The following NKAIN2 variants were observed in gnomAD, a reference collection of about 807,000 sequenced individuals.
NKAIN2 encodes sodium/potassium-transporting ATPase subunit beta-1-interacting protein 2.
A neutral mutation model predicts 32.6 loss-of-function variants in NKAIN2; 14 were observed. The observed-to-expected ratio is 0.43, with a 90% CI of 0.28 to 0.67. The LOEUF is 0.67. NKAIN2 is among the 30% of genes least tolerant of loss of function. The pLI is 0.17. For synonymous variants in NKAIN2, 80 were observed against 87.2 expected (o/e 0.92, Z 0.46); for missense variants, 198 against 258.3 (o/e 0.77, Z 1.60).
Position 124,523,679 on chromosome 6 carries a change from A to G in NKAIN2, c.274-134507A>G, listed in dbSNP as rs140172785. Among the ~76,000 whole-genome samples, 562 of 152,230 alleles carry G rather than the reference A, an allele frequency of 3.7e-3. 16 individuals carry two copies. The highest frequency in any genetic ancestry group is 0.029 in the Admixed American group (442 of 15,284). On this transcript the variant is annotated intron_variant, in intron 3 of 6. Transcript: ENST00000368417. ...AAAGGGATATATGTAGAGAGGGGAA[A>G]CTATGCTCTGTCCTCTCTTCATGAA...
chr6:124,811,145 A>G (rs1434296849), intron 5 of NKAIN2, among the ~76,000 whole-genome samples: 5 of 152,178 alleles, frequency 3.3e-5, no homozygotes, highest in Non-Finnish European at 5.9e-5. Flanking sequence ...AAGACGCTCT[A>G]TTTTCATAGG....
chr6:124,443,600 A>T (rs1300261054), intron 3 of NKAIN2, among the ~76,000 whole-genome samples: 2 of 152,092 alleles, frequency 1.3e-5, no homozygotes, highest in Non-Finnish European at 2.9e-5. Context: ...AGGGGGTAGC[A>T]TAGGACCATT....
chr6:124,240,645 C>T (rs752418036), intron 1 of NKAIN2, among the ~76,000 whole-genome samples: 3 of 152,044 alleles, frequency 2.0e-5, no homozygotes, highest in Non-Finnish European at 4.4e-5. Context: ...TGACAAAAAG[C>T]ACATGATTAT....
At chr6:124,410,221 CT>C (rs1275427696) in intron 3 of NKAIN2, among the ~76,000 whole-genome samples, 2 of 152,022 alleles carry the variant, frequency 1.3e-5, no homozygotes, top group African/African-American at 4.8e-5. Context: ...TTAGTTATTT[CT>C]TGCCTTCTGC....
intron 4 of NKAIN2, among the ~76,000 whole-genome samples, chr6:124,704,383 G>A (rs528289902): frequency 6.6e-6 from 1 of 151,990 alleles, no homozygotes; most frequent in South Asian, 2.1e-4. Context: ...AATAAACAAT[G>A]TAAGTTGAAA....
chr6:124,094,158 C>T (rs1206527946), intron 1 of NKAIN2, among the ~76,000 whole-genome samples: 1 of 152,148 alleles, frequency 6.6e-6, no homozygotes, highest in Non-Finnish European at 1.5e-5. Context: ...ATCTTCTCCT[C>T]TTGTGAATAT....
chr6:124,581,312 G>T, intron 3 of NKAIN2, among the ~76,000 whole-genome samples: 1 of 151,568 alleles, frequency 6.6e-6, no homozygotes, highest in Non-Finnish European at 1.5e-5. Flanking sequence ...GGTGGCGGGC[G>T]CCTGTAGTCC....
At chr6:124,418,687 C>T (rs1166222272) in intron 3 of NKAIN2, among the ~76,000 whole-genome samples, 2 of 151,108 alleles carry the variant, frequency 1.3e-5, no homozygotes, top group Admixed American at 1.3e-4. Flanking sequence ...CATTTGGAAG[C>T]TGAAATGATT....
chr6:124,700,752 T>C (rs920899792), intron 4 of NKAIN2, among the ~76,000 whole-genome samples: 2 of 151,740 alleles, frequency 1.3e-5, no homozygotes, highest in African/African-American at 4.8e-5. Context: ...CCTAAAAAAA[T>C]TGAGTGCCCT....
At chr6:124,729,130 T>C (rs1423791171) in intron 4 of NKAIN2, among the ~76,000 whole-genome samples, 2 of 152,286 alleles carry the variant, frequency 1.3e-5, no homozygotes, top group South Asian at 2.1e-4. Context: ...ACCAGAAGTA[T>C]GAGGAGGAAC....
At chr6:124,671,891 C>A (rs1037698869) in intron 4 of NKAIN2, among the ~76,000 whole-genome samples, 2 of 151,674 alleles carry the variant, frequency 1.3e-5, no homozygotes, top group African/African-American at 4.8e-5. Context: ...TGGAGGCAAT[C>A]CAGTTAGTTA....
chr6:124,265,348 A>G (rs1321512422), intron 1 of NKAIN2, among the ~76,000 whole-genome samples: 3 of 152,198 alleles, frequency 2.0e-5, no homozygotes, highest in African/African-American at 7.2e-5. Flanking sequence ...ATTAGAATAT[A>G]GAAATATTAT....
intron 3 of NKAIN2, among the ~76,000 whole-genome samples, chr6:124,652,552 T>C (rs940689913): frequency 6.6e-5 from 10 of 152,210 alleles, no homozygotes; most frequent in African/African-American, 2.4e-4. Context: ...TAGTTTGTTT[T>C]GGGCTACTAT....
chr6:124,575,297 T>C (rs1781289048), intron 3 of NKAIN2, among the ~76,000 whole-genome samples: 1 of 152,194 alleles, frequency 6.6e-6, no homozygotes, highest in Non-Finnish European at 1.5e-5. Flanking sequence ...ATGTACAATG[T>C]ATGTTATTTC....
intron 1 of NKAIN2, among the ~76,000 whole-genome samples, chr6:124,140,421 A>G (rs1380874551): frequency 6.6e-6 from 1 of 152,214 alleles, no homozygotes; most frequent in Non-Finnish European, 1.5e-5. Flanking sequence ...AGAGGTAAAA[A>G]CATTAGAAAG....
In NKAIN2 at chr6:124,624,471, TC is replaced by T. The variant is rs1783227358; in HGVS notation, c.274-33714del. On this transcript the variant is annotated intron_variant, in intron 3 of 6. Coordinates refer to ENST00000368417, the MANE Select transcript of NKAIN2 (RefSeq NM_001040214.3). ...CCAATTAAAGTGATGGAGCATGAGT[TC>T]AGTTGTAATGTTTAAATACCAGTTT... is the stretch of plus-strand genomic sequence containing the variant. Among the ~76,000 whole-genome samples, 5 of 152,268 alleles carry T rather than the reference TC, an allele frequency of 3.3e-5. No individual in the cohort carries two copies. In the South Asian group the frequency reaches 1.0e-3, roughly 32 times the overall value.
Position 123,925,312 on chromosome 6 carries a change from G to A in NKAIN2, c.54+121058G>A, listed in dbSNP as rs1582789970. ...TTTCTATTCAAGGAAAGGACCTCAG[G>A]ATTAAGCTCCAAATAAAAAGGCACT... is the stretch of plus-strand genomic sequence containing the variant. On this transcript the variant is annotated intron_variant, in intron 1 of 6. Coordinates refer to ENST00000368417, the MANE Select transcript of NKAIN2 (RefSeq NM_001040214.3). Among the ~76,000 whole-genome samples the A allele has an allele frequency of 7.2e-5, 11 of 152,252 alleles. No individual in the cohort carries two copies. The South Asian group carries it at 2.1e-3, about 29-fold the overall frequency.
At chr6:124,774,715 G>T (rs1240212377) in intron 4 of NKAIN2, among the ~76,000 whole-genome samples, 1 of 152,030 alleles carries the variant, frequency 6.6e-6, no homozygotes, top group Non-Finnish European at 1.5e-5. Context: ...AGTTATCTGG[G>T]CATGGTGGTG....
intron 1 of NKAIN2, among the ~76,000 whole-genome samples, chr6:123,845,159 G>T (rs1426321878): frequency 6.6e-6 from 1 of 152,156 alleles, no homozygotes; most frequent in African/African-American, 2.4e-5. Context: ...ATCAATATAT[G>T]TACTTCTATT....
Sources: gnomAD v4.1 joint callset for allele counts (sites outside exome capture counted in the v4.1 genomes callset) on GRCh38, gnomAD v4.1.1 for gene constraint, MANE v1.5 for transcripts, NCBI Gene and HGNC (gene_info 2026-07-23, HGNC 2026-07-21) for gene names.